Variants in GNB1L observed in about 807,000 individuals in gnomAD.
The protein encoded by GNB1L is guanine nucleotide-binding protein subunit beta-like protein 1.
GNB1L carries 20 observed loss-of-function variants against 29.1 expected under a neutral mutation model. The ratio of observed to expected loss-of-function variants is 0.69; its 90% CI spans 0.48 to 1.00. GNB1L has a LOEUF of 1.00. Ranked by LOEUF, GNB1L falls within the 50% of genes least tolerant of loss-of-function variation. The pLI, the probability that GNB1L is intolerant of heterozygous loss-of-function variation, is 0.00. For missense variants in GNB1L, 421 were observed against 464.9 expected (o/e 0.91, Z 0.87); for synonymous variants, 193 against 206.5 (o/e 0.93, Z 0.56).
At chr22:19,832,430 TA>T (rs1438733128) in intron 2 of GNB1L, among the ~76,000 whole-genome samples, 2 of 152,228 alleles carry the variant, frequency 1.3e-5, no homozygotes, top group African/African-American at 2.4e-5. Context: ...GACAGTGACC[TA>T]CACAGAGACA....
chr22:19,852,386 G>T, intron 2 of GNB1L: 1 of 997,250 alleles, frequency 1.0e-6, no homozygotes, highest in Non-Finnish European at 1.5e-6. Flanking sequence ...ACCCGCACTG[G>T]TCCAGGCAAG....
chr22:19,852,257 G>C, intron 2 of GNB1L: 2 of 1,602,002 alleles, frequency 1.2e-6, no homozygotes, highest in Middle Eastern at 3.3e-4. Flanking sequence ...CCGGCCACGA[G>C]GCATGCTGGG....
chr22:19,844,579 A>G (rs929828442), intron 2 of GNB1L, among the ~76,000 whole-genome samples: 3 of 152,186 alleles, frequency 2.0e-5, no homozygotes, highest in African/African-American at 7.2e-5. Flanking sequence ...CCAAGAGGAA[A>G]TGCCAGCGTG....
rs183796433 is a variant in GNB1L, at chr22:19,846,603, T to G, written c.-21+7840A>C. 5.7e-4 allele frequency: 554 copies of G among 971,308 alleles called. 3 individuals carry two copies. The African/African-American group carries it at 9.2e-3, about 16-fold the overall frequency. 60.2% of individuals were successfully genotyped at this position (971,308 alleles called of 1,614,324 possible). A position where few individuals can be genotyped will look rare whatever the true frequency, so the allele number is the denominator to read the frequency against. ...GGCAGAACTATGTCCCTTCAATATT[T>G]TTATGTTCAAGTCCTAACCCCTAGT... On this transcript the variant is annotated intron_variant, in intron 2 of 7. Transcript: ENST00000329517.
At chr22:19,808,186 G>A (rs183331937) in intron 5 of GNB1L, among the ~76,000 whole-genome samples, 15 of 152,256 alleles carry the variant, frequency 9.9e-5, no homozygotes, top group African/African-American at 3.6e-4. Flanking sequence ...CAGCCCCAGG[G>A]ATGGCTCACA....
At chr22:19,807,811 G>GCC (rs1194219076) in intron 5 of GNB1L, among the ~76,000 whole-genome samples, 1 of 152,186 alleles carries the variant, frequency 6.6e-6, no homozygotes, top group Non-Finnish European at 1.5e-5. Flanking sequence ...GCCTCTGTGG[G>GCC]TGAGAAGCTT....
chr22:19,850,072 C>T (rs1426059403), intron 2 of GNB1L: 118 of 985,706 alleles, frequency 1.2e-4, no homozygotes, highest in Non-Finnish European at 1.4e-4. Context: ...CACCCACCCC[C>T]TACTCAGCCC....
At chr22:19,811,633 C>T (rs1156512493) in intron 5 of GNB1L, among the ~76,000 whole-genome samples, 5 of 152,278 alleles carry the variant, frequency 3.3e-5, no homozygotes, top group African/African-American at 9.6e-5. Context: ...GTGTTACCAA[C>T]ACCTCTGGTC....
chr22:19,847,653 C>G, intron 2 of GNB1L: 2 of 985,106 alleles, frequency 2.0e-6, no homozygotes, highest in Non-Finnish European at 2.4e-6. Flanking sequence ...CTTCATGCAC[C>G]TAGCAAGTAG....
At chr22:19,845,067 A>G (rs1052832768) in intron 2 of GNB1L, among the ~76,000 whole-genome samples, 7 of 152,178 alleles carry the variant, frequency 4.6e-5, no homozygotes, top group African/African-American at 1.7e-4. Flanking sequence ...TGGGGCTGAC[A>G]CTTTCTGACA....
intron 2 of GNB1L, among the ~76,000 whole-genome samples, chr22:19,825,703 C>T (rs1937614873): frequency 2.0e-5 from 3 of 149,842 alleles, no homozygotes; most frequent in Admixed American, 6.6e-5. Context: ...GCCTGTAATC[C>T]CTGCACTTTG....
intron 7 of GNB1L, among the ~76,000 whole-genome samples, chr22:19,789,702 AG>A (rs888284351): frequency 6.6e-5 from 10 of 151,988 alleles, no homozygotes; most frequent in African/African-American, 2.4e-4. Flanking sequence ...CGTTGGGGCC[AG>A]GGGGTGGTGG....
At chr22:19,806,078 C>T (rs1031570349) in intron 6 of GNB1L, among the ~76,000 whole-genome samples, 10 of 152,284 alleles carry the variant, frequency 6.6e-5, no homozygotes, top group Admixed American at 2.6e-4. Flanking sequence ...CTCCCAGCAA[C>T]CCCGACCTGT....
intron 4 of GNB1L, among the ~76,000 whole-genome samples, chr22:19,813,408 G>A (rs1937513986): frequency 6.6e-6 from 1 of 152,158 alleles, no homozygotes; most frequent in Admixed American, 6.5e-5. Flanking sequence ...AATAAGGCTG[G>A]GTGCAGTGGC....
chr22:19,851,120 A>T, intron 2 of GNB1L: 1 of 1,531,756 alleles, frequency 6.5e-7, no homozygotes, highest in Non-Finnish European at 8.8e-7. Context: ...CAAGCCACAC[A>T]GGCCACTTCA....
At chr22:19,846,629 A>T in intron 2 of GNB1L, 2 of 886,008 alleles carry the variant, frequency 2.3e-6, no homozygotes, top group Non-Finnish European at 2.7e-6. Flanking sequence ...AACCCCTAGT[A>T]CTTACATTTG....
chr22:19,789,328 G>A (rs1937226235), intron 7 of GNB1L, among the ~76,000 whole-genome samples: 2 of 152,206 alleles, frequency 1.3e-5, no homozygotes, highest in Non-Finnish European at 1.5e-5. Context: ...CCACGTCCCG[G>A]GCTTGATGGC....
intron 6 of GNB1L, among the ~76,000 whole-genome samples, chr22:19,803,354 G>C (rs988500551): frequency 6.6e-6 from 1 of 152,152 alleles, no homozygotes; most frequent in Non-Finnish European, 1.5e-5. Context: ...GGCGAGTGGC[G>C]GTCAGTGTGT....
chr22:19,842,002 C>T (rs1765209125), intron 2 of GNB1L, among the ~76,000 whole-genome samples: 1 of 152,224 alleles, frequency 6.6e-6, no homozygotes, highest in African/African-American at 2.4e-5. Flanking sequence ...GGCAGGCACA[C>T]AGGTGGCTGG....
Sources: allele counts gnomAD v4.1 joint callset (sites outside exome capture counted in the v4.1 genomes callset), GRCh38; gene constraint gnomAD v4.1.1; transcripts MANE v1.5; gene names NCBI Gene and HGNC (gene_info 2026-07-23, HGNC 2026-07-21).